SELENOO: variants seen among roughly 807,000 people sequenced by gnomAD.
SELENOO encodes the protein selenoprotein O, also known as protein adenylyltransferase SelO, mitochondrial.
A neutral mutation model predicts 58.7 loss-of-function variants in SELENOO; 74 were observed. The observed-to-expected ratio is 1.26, with a 90% confidence interval of 1.04 to 1.53. SELENOO has a LOEUF of 1.53. Among genes scored for constraint, SELENOO ranks in the 40% most tolerant of loss-of-function variants. The pLI is 0.00. For synonymous variants in SELENOO, 543 were observed against 453.2 expected (o/e 1.20, Z -2.52); for missense variants, 1,149 against 970.0 (o/e 1.18, Z -2.45).
At chr22:50,215,971 A>G in intron 6 of SELENOO, 104 bp downstream of exon 6, 1 of 1,042,714 alleles carries the variant, frequency 9.6e-7, no homozygotes, top group African/African-American at 1.6e-5. Context: ...GCTGGGGCCC[A>G]GGTGGCTGCT....
Position 50,201,074 on chromosome 22 carries a change from C to G in SELENOO, c.38C>G (p.Ala13Gly), listed in dbSNP as rs1320013808. Residue 13 changes from alanine (A) to glycine (G), a missense_variant, in exon 1 of 9, where the codon GCG (alanine) becomes GGG (glycine). Physicochemically the swap from Ala to Gly is moderately conservative, Grantham distance 60. Coordinates refer to ENST00000380903, the MANE Select transcript of SELENOO (RefSeq NM_031454.2). ...AGGGCAGCGCTCGGGGCTTCGCTCG[C>G]GGCTGCCCGACTCTTGCCCCTCGGT... Reference protein sequence around the residue: ...VYRAALGASLAAARLLPLGRC... With the variant: ...VYRAALGASLGAARLLPLGRC... 3.7e-6 allele frequency: 5 copies of G among 1,362,972 alleles called. No homozygotes were observed. Among genetic ancestry groups the G allele is most frequent in the African/African-American group, 1.5e-5 (1 of 65,398 alleles). The allele number at this position is 1,362,972 out of a possible 1,614,324, so 84.4% of individuals were successfully genotyped here. A position where few individuals can be genotyped will look rare whatever the true frequency, so the allele number is the denominator to read the frequency against.
At chr22:50,215,936 G>A in intron 6 of SELENOO, 69 bp downstream of exon 6, 5 of 1,417,606 alleles carry the variant, frequency 3.5e-6, no homozygotes, top group Non-Finnish European at 4.8e-6. Flanking sequence ...AACAGAGGCT[G>A]GGGGAGAAGC....
intron 4 of SELENOO, 72 bp downstream of exon 4, chr22:50,210,383 C>A: frequency 6.5e-7 from 1 of 1,549,262 alleles, no homozygotes; most frequent in South Asian, 1.1e-5. Flanking sequence ...AAACCTGCTG[C>A]CCCCAGGCAC....
At chr22:50,203,930 C>T (rs73187254) in intron 1 of SELENOO, among the ~76,000 whole-genome samples, 21,281 of 152,064 alleles carry the variant, frequency 0.14, 1,613 homozygotes, top group South Asian at 0.28. Context: ...GAAACATTTG[C>T]AATTCATATA....
chr22:50,216,620 G>A, intron 6 of SELENOO, 71 bp from the exon 7 acceptor site: 2 of 1,413,414 alleles, frequency 1.4e-6, no homozygotes, highest in Non-Finnish European at 9.6e-7. Flanking sequence ...GGCTGGGGCA[G>A]GCGGAGCAGC....
At position 50,217,391 on chromosome 22, in the gene SELENOO, C is replaced by T. The variant is rs773255418; in HGVS notation, c.*22C>T. The T allele has an allele frequency of 3.7e-6, 6 of 1,609,422 alleles. No homozygotes were observed. The highest frequency in any genetic ancestry group is 5.1e-6 in the Non-Finnish European group (6 of 1,178,914). ...GTAACGGCCTCGGCACGCTCCACAC[C>T]CCTGGAGTCTCCCGAGGCCCCCATG... On this transcript the variant is annotated 3_prime_UTR_variant, in exon 9 of 9. Coordinates refer to ENST00000380903, the MANE Select transcript of SELENOO (RefSeq NM_031454.2).
At chr22:50,210,978 T>G in intron 5 of SELENOO, 67 bp downstream of exon 5, 1 of 1,564,534 alleles carries the variant, frequency 6.4e-7, no homozygotes, top group Non-Finnish European at 8.8e-7. Context: ...ATGGTTTACC[T>G]TCTGGCTTCC....
Position 50,216,988 on chromosome 22 carries a change from G to A in SELENOO, c.1705G>A (p.Asp569Asn), listed in dbSNP as rs766144045. ...TCATTCCAGAGCCCGGCTGGACAAG[G>A]ACCTGGAAGGCGCTGGGGACGCTGC... ...LQAYRARLDKDLEGAGDAAAW... is the reference protein window; with the variant it reads ...LQAYRARLDKNLEGAGDAAAW... The change falls in exon 8 of 9, where the codon GAC becomes AAC. Residue 569 changes from aspartate to asparagine, a missense_variant. Transcript: ENST00000380903. 1 of 1,610,344 alleles carries A rather than the reference G, an allele frequency of 6.2e-7. No individual in the cohort carries two copies. The highest frequency in any genetic ancestry group is 8.5e-7 in the Non-Finnish European group (1 of 1,179,362).
In SELENOO at chr22:50,210,765, G is replaced by T. The variant is rs2064364975; in HGVS notation, c.1205G>T (p.Gly402Val). 5 of 1,613,832 alleles carry T rather than the reference G, an allele frequency of 3.1e-6. No individual in the cohort carries two copies. Among genetic ancestry groups the T allele is most frequent in the Non-Finnish European group, 4.2e-6 (5 of 1,180,024 alleles). The stretch of plus-strand genomic sequence containing the variant: ...CAGCCGGAACTGCCCCTGGAGCTGG[G>T]GGAGGCCATCCTGGCCGAGGAGTTT... ...ALQPELPLEL[G>V]EAILAEEFDA... The change falls in exon 5 of 9, where the codon GGG becomes GTG. Residue 402 changes from glycine to valine, a missense_variant. Transcript: ENST00000380903.
At chr22:50,204,497 C>T (rs1210562114) in intron 1 of SELENOO, among the ~76,000 whole-genome samples, 1 of 151,414 alleles carries the variant, frequency 6.6e-6, no homozygotes, top group Non-Finnish European at 1.5e-5. Flanking sequence ...CATGGTGGAG[C>T]GTGCCTGTGA....
In SELENOO at chr22:50,206,330, C is replaced by T. The variant is rs1487652980; in HGVS notation, c.568C>T (p.Arg190Cys). ...PTPFSRQADGRKVLRSSIREF... is the reference protein window; with the variant it reads ...PTPFSRQADGCKVLRSSIREF... ...GTTTGGTTTCAGACAGGCCGACGGT[C>T]GCAAGGTCCTACGGTCAAGCATCCG... is the stretch of plus-strand genomic sequence containing the variant. Residue 190 changes from arginine to cysteine, a missense_variant, in exon 2 of 9, where the codon CGC becomes TGC. Transcript: ENST00000380903. 14 of 1,613,624 alleles carry T rather than the reference C, an allele frequency of 8.7e-6. No individual in the cohort carries two copies. Among genetic ancestry groups the T allele is most frequent in the African/African-American group, 1.3e-5 (1 of 74,886 alleles).
intron 1 of SELENOO, among the ~76,000 whole-genome samples, chr22:50,205,078 C>A (rs995972406): frequency 4.6e-5 from 7 of 152,324 alleles, no homozygotes; most frequent in East Asian, 1.9e-4. Context: ...GTCCCAGGGG[C>A]TGGAGGGAGT....
rs1453602249 is a variant in SELENOO at position 50,206,481 on chromosome 22, A to G, written c.719A>G (p.Gln240Arg). The change falls in exon 2 of 9, where the codon CAA (glutamine) becomes CGA (arginine). Residue 240 changes from glutamine (Q) to arginine (R), a missense_variant. By Grantham distance (43) the Gln-to-Arg change is conservative (BLOSUM62 1). Transcript: ENST00000380903. ...VFYDGNPKYE[Q>R]CTVVLRVAST... Reference sequence around the variant, plus strand: ...TATGATGGTAATCCCAAATATGAACAATGCACGGTTGTGTTGCGTGTAGCT... The same window carrying G: ...TATGATGGTAATCCCAAATATGAACGATGCACGGTTGTGTTGCGTGTAGCT... The G allele has an allele frequency of 1.4e-5, 23 of 1,614,066 alleles. No individual in the cohort carries two copies. In the Admixed American group the frequency reaches 3.8e-4, roughly 27 times the overall value.
intron 1 of SELENOO, among the ~76,000 whole-genome samples, chr22:50,203,368 C>T (rs900568838): frequency 1.4e-4 from 21 of 152,134 alleles, no homozygotes; most frequent in East Asian, 3.9e-4. Context: ...AGAGTGAGAC[C>T]CTGTCTCAAA....
In SELENOO at chr22:50,202,317, C is replaced by T. The variant is rs898897717; in HGVS notation, c.554+727C>T. Among the ~76,000 whole-genome samples, 6 of 152,132 alleles carry T rather than the reference C, an allele frequency of 3.9e-5. No individual in the cohort carries two copies. In the East Asian group the frequency reaches 1.2e-3, roughly 29 times the overall value. On this transcript the variant is annotated intron_variant, in intron 1 of 8. Transcript: ENST00000380903. ...CCCCTCCAGCACCTGAAATGCCCCT[C>T]GGTCCCTCAGCATCCCTTCCCCGGG...
At chr22:50,216,630 C>G in intron 6 of SELENOO, 61 bp from the exon 7 acceptor site, 1 of 1,465,472 alleles carries the variant, frequency 6.8e-7, no homozygotes, top group South Asian at 1.3e-5. Flanking sequence ...GGCGGAGCAG[C>G]TGCCTGCAGG....
chr22:50,217,167 G>C, intron 8 of SELENOO, 38 bp from the exon 9 acceptor site: 1 of 1,610,962 alleles, frequency 6.2e-7, no homozygotes, highest in Non-Finnish European at 8.5e-7. Context: ...TGGGAGGGGG[G>C]TCGGCCCCAG....
chr22:50,213,584 T>C lies in SELENOO; in HGVS notation c.1352-2133T>C, dbSNP rs548397029. 1.3e-4 allele frequency among the ~76,000 whole-genome samples: 20 copies of C among 152,232 alleles called. No homozygotes were observed. In the East Asian group the frequency reaches 3.9e-3, roughly 29 times the overall value. On this transcript the variant is annotated intron_variant, in intron 5 of 8. Transcript: ENST00000380903. ...GGGTGGAGGGTTCCGTGTATGTGCC[T>C]GTTTGGTCTTGTTGGTTTAGGCTGT...
chr22:50,216,568 G>T, intron 6 of SELENOO, 123 bp from the exon 7 acceptor site: 1 of 894,334 alleles, frequency 1.1e-6, no homozygotes, highest in Non-Finnish European at 1.7e-6. Context: ...CTCGGGGACC[G>T]GGCTGCTTGG....
Sources: gnomAD v4.1 joint callset for allele counts (sites outside exome capture counted in the v4.1 genomes callset) on GRCh38, gnomAD v4.1.1 for gene constraint, MANE v1.5 for transcripts, NCBI Gene and HGNC (gene_info 2026-07-23, HGNC 2026-07-21) for gene names.